HECW1: variants seen among roughly 807,000 people sequenced by gnomAD.
HECW1 encodes the protein E3 ubiquitin-protein ligase HECW1.
Under a neutral mutation model 182.3 loss-of-function variants are expected in HECW1, and 61 were observed. The ratio of observed to expected loss-of-function variants is 0.33; its 90% CI spans 0.27 to 0.41. HECW1 has a LOEUF of 0.41. Among genes scored for constraint, HECW1 ranks in the 10% least tolerant of loss-of-function variants. The pLI, the probability that HECW1 is intolerant of heterozygous loss-of-function variation, is 1.00. For missense variants in HECW1, 1,739 were observed against 2,108.9 expected (o/e 0.82, Z 3.44); for synonymous variants, 859 against 832.6 (o/e 1.03, Z -0.55).
At chr7:43,526,494 AT>A (rs1171609916) in intron 24 of HECW1, among the ~76,000 whole-genome samples, 1 of 152,024 alleles carries the variant, frequency 6.6e-6, no homozygotes, top group African/African-American at 2.4e-5. Context: ...GCCCAAGTTG[AT>A]TTTTTTTAAC....
intron 24 of HECW1, among the ~76,000 whole-genome samples, chr7:43,528,495 T>C (rs191690446): frequency 1.1e-4 from 17 of 152,356 alleles, no homozygotes; most frequent in Admixed American, 3.9e-4. Context: ...TCAAAAAATA[T>C]CACACTTTCG....
At chr7:43,410,875 A>T (rs1392271523) in intron 8 of HECW1, among the ~76,000 whole-genome samples, 1 of 151,868 alleles carries the variant, frequency 6.6e-6, no homozygotes, top group African/African-American at 2.4e-5. Context: ...TATATTGGTG[A>T]ATTGCTTTTT....
At chr7:43,476,875 G>T in intron 16 of HECW1, among the ~76,000 whole-genome samples, 1 of 152,124 alleles carries the variant, frequency 6.6e-6, no homozygotes, top group Non-Finnish European at 1.5e-5. Context: ...GGAGAGGAAT[G>T]ATTGAGAGAT....
chr7:43,323,485 C>T (rs957581972), intron 5 of HECW1, among the ~76,000 whole-genome samples: 1 of 151,922 alleles, frequency 6.6e-6, no homozygotes. Context: ...ACTTGGGAGG[C>T]TGCGGTGGAA....
intron 2 of HECW1, among the ~76,000 whole-genome samples, chr7:43,159,333 A>G (rs577371172): frequency 2.7e-3 from 206 of 76,304 alleles, no homozygotes; most frequent in African/African-American, 8.6e-3. Context: ...TCCTTCCCCC[A>G]GCCCCCAACC....
At chr7:43,272,230 A>G (rs1025429761) in intron 3 of HECW1, among the ~76,000 whole-genome samples, 4 of 152,136 alleles carry the variant, frequency 2.6e-5, no homozygotes, top group African/African-American at 9.7e-5. Context: ...AAACTATAAG[A>G]ATCCTAGAAG....
intron 2 of HECW1, among the ~76,000 whole-genome samples, chr7:43,178,585 A>G (rs191197671): frequency 4.6e-5 from 7 of 152,290 alleles, no homozygotes; most frequent in Admixed American, 2.0e-4. Context: ...GAGCTCCTCA[A>G]TGCTTATTAG....
intron 19 of HECW1, among the ~76,000 whole-genome samples, chr7:43,499,012 G>A (rs1351125678): frequency 6.6e-6 from 1 of 152,072 alleles, no homozygotes; most frequent in Non-Finnish European, 1.5e-5. Flanking sequence ...CAGGCTCAGT[G>A]GCTAAAGCCT....
chr7:43,346,706 A>T (rs563035317), intron 5 of HECW1, among the ~76,000 whole-genome samples: 1 of 152,262 alleles, frequency 6.6e-6, no homozygotes, highest in South Asian at 2.1e-4. Flanking sequence ...ATTCTCCTAC[A>T]TGAGGCTAGC....
At chr7:43,358,550 T>C (rs937826655) in intron 5 of HECW1, among the ~76,000 whole-genome samples, 1 of 152,148 alleles carries the variant, frequency 6.6e-6, no homozygotes, top group Non-Finnish European at 1.5e-5. Context: ...ACCCAGGTAA[T>C]GGAAAACCTG....
intron 5 of HECW1, among the ~76,000 whole-genome samples, chr7:43,345,026 G>A (rs1584558129): frequency 6.6e-6 from 1 of 152,110 alleles, no homozygotes; most frequent in African/African-American, 2.4e-5. Context: ...CTGCAGGGTG[G>A]CCATTCCACA....
At chr7:43,308,043 ATT>A (rs1491233892) in intron 3 of HECW1, among the ~76,000 whole-genome samples, 2 of 112,848 alleles carry the variant, frequency 1.8e-5, no homozygotes, top group Non-Finnish European at 3.3e-5. Flanking sequence ...ATTATATTGT[ATT>A]ATATATAATA....
intron 2 of HECW1, among the ~76,000 whole-genome samples, chr7:43,170,197 T>C (rs1440320922): frequency 6.6e-6 from 1 of 152,228 alleles, no homozygotes; most frequent in Non-Finnish European, 1.5e-5. Context: ...ATCTAGGTTG[T>C]GGGCTCCTCA....
Position 43,260,685 on chromosome 7 carries a change from G to A in HECW1, c.27+16753G>A, listed in dbSNP as rs1267485253. Among the ~76,000 whole-genome samples the A allele has an allele frequency of 3.3e-5, 5 of 152,250 alleles. No individual in the cohort carries two copies. In the East Asian group the frequency reaches 9.7e-4, roughly 29 times the overall value. The stretch of plus-strand genomic sequence containing the variant: ...ATGGTATCTGTGAAGATGGAGAGAG[G>A]TGGACAGATGTAAGGTTGATTTAGT... On this transcript the variant is annotated intron_variant, in intron 3 of 29. Transcript: ENST00000395891.
At chr7:43,135,610 CA>C (rs1787441492) in intron 2 of HECW1, among the ~76,000 whole-genome samples, 1 of 151,540 alleles carries the variant, frequency 6.6e-6, no homozygotes, top group African/African-American at 2.4e-5. Flanking sequence ...TCTGATAAGC[CA>C]ATAAAGGTAA....
At chr7:43,329,099 C>T (rs1474973303) in intron 5 of HECW1, among the ~76,000 whole-genome samples, 1 of 152,056 alleles carries the variant, frequency 6.6e-6, no homozygotes, top group Non-Finnish European at 1.5e-5. Context: ...CCTAGCCTGA[C>T]CTTGGGGCAA....
intron 2 of HECW1, among the ~76,000 whole-genome samples, chr7:43,200,619 G>A (rs1249227693): frequency 2.6e-5 from 4 of 152,148 alleles, no homozygotes; most frequent in Non-Finnish European, 5.9e-5. Context: ...GCTTTGCCAT[G>A]TTCTCTTGTC....
Position 43,288,928 on chromosome 7 carries a change from C to T in HECW1, c.28-22835C>T, listed in dbSNP as rs1012210485. On this transcript the variant is annotated intron_variant, in intron 3 of 29. Coordinates refer to ENST00000395891, the MANE Select transcript of HECW1 (RefSeq NM_015052.5). ...TTGCCTTATTCTTATATTTTAGTTA[C>T]GGGGATATCCAGGTGCGCTATACGC... Among the ~76,000 whole-genome samples the T allele has an allele frequency of 3.6e-4, 54 of 152,060 alleles. 1 individual carries two copies. The highest frequency in any genetic ancestry group is 3.1e-3 in the Admixed American group (47 of 15,260).
rs138428244 is a variant in HECW1, at chr7:43,299,089, C to T, written c.28-12674C>T. Among the ~76,000 whole-genome samples, 82 of 152,252 alleles carry T rather than the reference C, an allele frequency of 5.4e-4. 1 individual carries two copies. Among genetic ancestry groups the T allele is most frequent in the African/African-American group, 1.9e-3 (77 of 41,540 alleles). On this transcript the variant is annotated intron_variant, in intron 3 of 29. Transcript: ENST00000395891. ...CAGTGAGTGCCCTTGAATCTATTACCGTATCCTCGAGGCCAGAGATGTCTA... is the reference window on the plus strand; with the variant it reads ...CAGTGAGTGCCCTTGAATCTATTACTGTATCCTCGAGGCCAGAGATGTCTA...
Sources: allele counts gnomAD v4.1 joint callset (sites outside exome capture counted in the v4.1 genomes callset), GRCh38; gene constraint gnomAD v4.1.1; transcripts MANE v1.5; gene names NCBI Gene and HGNC (gene_info 2026-07-23, HGNC 2026-07-21).